CAMTA1: variants seen among roughly 807,000 people sequenced by gnomAD.
The protein encoded by CAMTA1 is calmodulin binding transcription activator 1, also known as calmodulin-binding transcription activator 1.
Under a neutral mutation model 170.9 loss-of-function variants are expected in CAMTA1, and 27 were observed. That is an observed-to-expected ratio of 0.16 (90% CI 0.12 to 0.22). The LOEUF (loss-of-function observed/expected upper bound fraction) is 0.22, where lower values mean the gene tolerates loss of function less well. Among genes scored for constraint, CAMTA1 ranks in the 10% least tolerant of loss-of-function variants. The pLI is 1.00. For synonymous variants in CAMTA1, 833 were observed against 891.5 expected (o/e 0.93, Z 1.17); for missense variants, 1,619 against 2,217.2 (o/e 0.73, Z 5.42).
rs1407004442 is a variant in CAMTA1, at chr1:7,284,159, CTTCTTCTTCTTCTTCTTCTTATTATTA to C, written c.438+34536_438+34562del. Among the ~76,000 whole-genome samples, 198 of 116,862 alleles carry C rather than the reference CTTCTTCTTCTTCTTCTTCTTATTATTA, an allele frequency of 1.7e-3. 2 individuals are homozygous for C. Among genetic ancestry groups the C allele is most frequent in the African/African-American group, 3.8e-3 (109 of 28,626 alleles). 76.7% of individuals were successfully genotyped at this position (116,862 alleles called of 152,430 possible). On this transcript the variant is annotated intron_variant, in intron 5 of 22. Transcript: ENST00000303635. ...TCTTCTTCTTCTTCTTCTTCTTCTT[CTTCTTCTTCTTCTTCTTCTTATTATTA>C]TTATTATTATTATTATTATTATTAT... is the stretch of plus-strand genomic sequence containing the variant.
chr1:7,230,388 C>G (rs756952593), intron 4 of CAMTA1, among the ~76,000 whole-genome samples: 3 of 145,114 alleles, frequency 2.1e-5, no homozygotes, highest in Non-Finnish European at 4.5e-5. Flanking sequence ...CTTTCTTGGG[C>G]TCCTGGGTGC....
rs546444480 is a variant in CAMTA1, at chr1:7,114,030, G to A, written c.302+22659G>A. ...CACTGCTGTAACCCACGAGCCTGCT[G>A]CACGCAGGGCCCACCCCCCATCCTC... On this transcript the variant is annotated intron_variant, in intron 4 of 22. Coordinates refer to ENST00000303635, the MANE Select transcript of CAMTA1 (RefSeq NM_015215.4). 5.9e-5 allele frequency among the ~76,000 whole-genome samples: 9 copies of A among 152,268 alleles called. No homozygotes were observed. In the South Asian group the frequency reaches 1.9e-3, roughly 32 times the overall value.
intron 6 of CAMTA1, among the ~76,000 whole-genome samples, chr1:7,539,817 A>C (rs2094588544): frequency 6.6e-6 from 1 of 152,252 alleles, no homozygotes; most frequent in South Asian, 2.1e-4. Context: ...CAGAGACAGC[A>C]TGAGAACTGC....
At chr1:7,034,717 G>T (rs1703330531) in intron 3 of CAMTA1, among the ~76,000 whole-genome samples, 2 of 152,178 alleles carry the variant, frequency 1.3e-5, no homozygotes, top group African/African-American at 4.8e-5. Flanking sequence ...TAGCAAGAAA[G>T]CTGGGGCAGT....
Position 7,738,604 on chromosome 1 carries a change from G to C in CAMTA1, c.4182+122G>C, listed in dbSNP as rs2096787907. The C allele has an allele frequency of 1.5e-5, 16 of 1,059,670 alleles. No individual in the cohort carries two copies. Among genetic ancestry groups the C allele is most frequent in the Non-Finnish European group, 2.1e-5 (16 of 751,062 alleles). The allele number at this position is 1,059,670 out of a possible 1,614,324, so 65.6% of individuals were successfully genotyped here. A position where few individuals can be genotyped will look rare whatever the true frequency, so the allele number is the denominator to read the frequency against. On this transcript the variant is annotated intron_variant, in intron 16 of 22. Coordinates refer to ENST00000303635, the MANE Select transcript of CAMTA1 (RefSeq NM_015215.4). This position sits in a 1 kb window ranked among gnomAD's most constrained non-coding sequence, Gnocchi z 4.9. The stretch of plus-strand genomic sequence containing the variant: ...CCGTGAAGCCTTCGAAGTTGGCTTT[G>C]TGCAGAACATCGTTGGAGTATCTTC...
intron 3 of CAMTA1, among the ~76,000 whole-genome samples, chr1:7,043,733 G>A (rs1469866913): frequency 6.6e-6 from 1 of 152,164 alleles, no homozygotes; most frequent in African/African-American, 2.4e-5. Context: ...TTCGTCTTCG[G>A]TGGGTGGCTC....
chr1:7,476,805 C>T (rs1351081852), intron 6 of CAMTA1, among the ~76,000 whole-genome samples: 1 of 152,184 alleles, frequency 6.6e-6, no homozygotes, highest in Non-Finnish European at 1.5e-5. Context: ...CATCCTCATC[C>T]TCATCCTGTC....
chr1:6,978,380 T>C (rs1408150020), intron 3 of CAMTA1, among the ~76,000 whole-genome samples: 1 of 152,160 alleles, frequency 6.6e-6, no homozygotes, highest in Non-Finnish European at 1.5e-5. Flanking sequence ...ACGCCTGTTA[T>C]CCCAGCACTT....
intron 5 of CAMTA1, among the ~76,000 whole-genome samples, chr1:7,397,479 A>G (rs10779683): frequency 0.71 from 108,129 of 151,900 alleles, 38,991 homozygotes; most frequent in Middle Eastern, 0.8. Flanking sequence ...GATATATTGT[A>G]TTGGGTTTTG....
intron 5 of CAMTA1, among the ~76,000 whole-genome samples, chr1:7,385,554 G>C (rs557132727): frequency 6.6e-6 from 1 of 152,304 alleles, no homozygotes; most frequent in South Asian, 2.1e-4. Context: ...GCCAGGGAAG[G>C]GCCCTTAGAG....
In CAMTA1 at chr1:7,528,802, G is replaced by GATGAATGAATGA. The variant is rs3033702; in HGVS notation, c.510+60927_510+60938dup. Among the ~76,000 whole-genome samples, 212 of 148,490 alleles carry GATGAATGAATGA rather than the reference G, an allele frequency of 1.4e-3. 2 individuals are homozygous for GATGAATGAATGA. The highest frequency in any genetic ancestry group is 3.4e-3 in the South Asian group (16 of 4,668). ...TCAAATGTAAAGGAATGAAAGGATG[G>GATGAATGAATGA]ATGAATGAATGAATGAATGAATGAA... On this transcript the variant is annotated intron_variant, in intron 6 of 22. Transcript: ENST00000303635.
intron 4 of CAMTA1, among the ~76,000 whole-genome samples, chr1:7,214,404 T>C (rs1659367360): frequency 6.6e-6 from 1 of 152,150 alleles, no homozygotes; most frequent in South Asian, 2.1e-4. Context: ...TTTCACTCTG[T>C]CACCCAGGCT....
At chr1:6,882,670 T>C (rs529901563) in intron 3 of CAMTA1, among the ~76,000 whole-genome samples, 2 of 152,096 alleles carry the variant, frequency 1.3e-5, no homozygotes, top group African/African-American at 4.8e-5. Flanking sequence ...AGTCGTATGT[T>C]TGAGTTTGTA....
intron 4 of CAMTA1, among the ~76,000 whole-genome samples, chr1:7,100,477 T>G (rs1461942852): frequency 6.6e-6 from 1 of 152,208 alleles, no homozygotes; most frequent in Non-Finnish European, 1.5e-5. Flanking sequence ...CTGCTCACTC[T>G]CAAGTTAACT....
chr1:7,035,121 G>A (rs1703396642), intron 3 of CAMTA1, among the ~76,000 whole-genome samples: 1 of 152,120 alleles, frequency 6.6e-6, no homozygotes, highest in Non-Finnish European at 1.5e-5. Flanking sequence ...GTCATTTTTG[G>A]CTGGAGGCGG....
chr1:6,846,568 C>T (rs1290466176), intron 3 of CAMTA1, among the ~76,000 whole-genome samples: 2 of 152,204 alleles, frequency 1.3e-5, no homozygotes, highest in East Asian at 3.8e-4. Flanking sequence ...ACATTTTTAG[C>T]TGTAGTTACG....
chr1:6,873,989 G>T (rs1669117338), intron 3 of CAMTA1: 1 of 152,158 alleles, frequency 6.6e-6, no homozygotes, highest in African/African-American at 2.4e-5. Flanking sequence ...CTTTCATTTT[G>T]GTGTAAAAAC....
At chr1:7,491,745 G>A (rs2093706404) in intron 6 of CAMTA1, among the ~76,000 whole-genome samples, 1 of 152,220 alleles carries the variant, frequency 6.6e-6, no homozygotes, top group African/African-American at 2.4e-5. Context: ...GCTTTCAAGA[G>A]GATAATAATG....
chr1:7,547,603 A>G lies in CAMTA1; in HGVS notation c.510+79702A>G, dbSNP rs547156461. On this transcript the variant is annotated intron_variant, in intron 6 of 22. Coordinates refer to ENST00000303635, the MANE Select transcript of CAMTA1 (RefSeq NM_015215.4). The surrounding 1 kb of genome is among the most constrained non-coding windows in gnomAD (Gnocchi z 5.7). ...AGATGATTTAAATCAAGCTTGTCCA[A>G]CCCATGGCTTGTGGGCTGCCTGTGG... Among the ~76,000 whole-genome samples the G allele has an allele frequency of 2.6e-5, 4 of 152,278 alleles. No individual in the cohort carries two copies. In the East Asian group the frequency reaches 7.7e-4, roughly 29 times the overall value.
Sources: gnomAD v4.1 joint callset for allele counts (sites outside exome capture counted in the v4.1 genomes callset) on GRCh38, gnomAD v4.1.1 for gene constraint, Gnocchi (gnomAD v3.1) non-coding constraint, MANE v1.5 for transcripts, NCBI Gene and HGNC (gene_info 2026-07-23, HGNC 2026-07-21) for gene names.